The following RIMS1 variants were observed in gnomAD, a reference collection of about 807,000 sequenced individuals.
RIMS1 encodes regulating synaptic membrane exocytosis protein 1.
A neutral mutation model predicts 214.1 loss-of-function variants in RIMS1; 83 were observed. The ratio of observed to expected loss-of-function variants is 0.39; its 90% CI spans 0.32 to 0.47. The LOEUF is 0.47. Among genes scored for constraint, RIMS1 ranks in the 20% least tolerant of loss-of-function variants. The pLI is 0.99. For missense variants in RIMS1, 2,050 were observed against 2,161.8 expected, an observed-to-expected ratio of 0.95 and a Z score of 1.03; for synonymous variants, 793 against 786.8, an observed-to-expected ratio of 1.01 and a Z score of -0.13.
intron 29 of RIMS1, among the ~76,000 whole-genome samples, chr6:72,352,880 G>C (rs2097505504): frequency 6.6e-6 from 1 of 151,406 alleles, no homozygotes; most frequent in South Asian, 2.1e-4. Context: ...TATGAATTCT[G>C]TAACTGGAAA....
chr6:72,317,812 C>A (rs769696818), intron 28 of RIMS1, among the ~76,000 whole-genome samples: 3 of 152,042 alleles, frequency 2.0e-5, no homozygotes, highest in Non-Finnish European at 4.4e-5. Context: ...TTTGCCTATT[C>A]GATTTGGTAT....
chr6:72,047,482 G>C (rs948633355), intron 2 of RIMS1, among the ~76,000 whole-genome samples: 2 of 152,070 alleles, frequency 1.3e-5, no homozygotes, highest in African/African-American at 4.8e-5. Flanking sequence ...TTGTTAATCT[G>C]CCTGAACTAA....
chr6:72,196,055 A>T (rs1458232586), intron 6 of RIMS1, among the ~76,000 whole-genome samples: 1 of 152,112 alleles, frequency 6.6e-6, no homozygotes, highest in Non-Finnish European at 1.5e-5. Flanking sequence ...CATGTGGATC[A>T]TGGGGATTAC....
At chr6:71,935,909 G>A (rs1784292295) in intron 1 of RIMS1, among the ~76,000 whole-genome samples, 1 of 152,164 alleles carries the variant, frequency 6.6e-6, no homozygotes, top group South Asian at 2.1e-4. Context: ...ACAACTGAAA[G>A]TATGAACTAT....
At chr6:72,359,771 C>T (rs916624606) in intron 29 of RIMS1, among the ~76,000 whole-genome samples, 1 of 152,146 alleles carries the variant, frequency 6.6e-6, no homozygotes, top group Non-Finnish European at 1.5e-5. Context: ...TAACACAACA[C>T]ATAAATCACA....
At position 72,271,280 on chromosome 6, in the gene RIMS1, AAAAAAAATAT is replaced by A. The variant is rs1212345283; in HGVS notation, c.3399-3067_3399-3058del. 5.4e-3 allele frequency among the ~76,000 whole-genome samples: 323 copies of A among 60,348 alleles called. 1 individual carries two copies. The highest frequency in any genetic ancestry group is 0.017 in the African/African-American group (288 of 17,026). 39.6% of individuals were successfully genotyped at this position (60,348 alleles called of 152,430 possible). On this transcript the variant is annotated intron_variant, in intron 22 of 33. Transcript: ENST00000521978. ...GACTCCATCTCAAGGAAAAAAAAAA[AAAAAAAATAT>A]ATATATATATATATATATATATATA...
At chr6:72,283,045 G>A (rs1323506230) in intron 23 of RIMS1, among the ~76,000 whole-genome samples, 2 of 151,776 alleles carry the variant, frequency 1.3e-5, no homozygotes, top group Non-Finnish European at 2.9e-5. Flanking sequence ...GCAGAACTTG[G>A]TATATACTAG....
intron 4 of RIMS1, among the ~76,000 whole-genome samples, chr6:72,135,637 AAGG>A (rs1587845617): frequency 6.6e-6 from 1 of 152,286 alleles, no homozygotes; most frequent in East Asian, 1.9e-4. Flanking sequence ...CTGACGTGGA[AAGG>A]AGAAGAAAAG....
rs1236248137 is a variant in RIMS1 at position 72,402,370 on chromosome 6, A to G, written c.*1656A>G. The G allele has an allele frequency of 1.3e-5, 2 of 152,574 alleles. No homozygotes were observed. Among genetic ancestry groups the G allele is most frequent in the Non-Finnish European group, 2.9e-5 (2 of 68,014 alleles). The allele number at this position is 152,574 out of a possible 1,614,324, so 9.5% of individuals were successfully genotyped here. On this transcript the variant is annotated 3_prime_UTR_variant, in exon 34 of 34. Coordinates refer to ENST00000521978, the MANE Select transcript of RIMS1 (RefSeq NM_014989.7). ...TCTCTGGGTCTGTGGTGAAATGTCTATAGATGGACTTTATTTTTTACCCTC... is the reference window on the plus strand; with the variant it reads ...TCTCTGGGTCTGTGGTGAAATGTCTGTAGATGGACTTTATTTTTTACCCTC...
rs951615367 is a variant in RIMS1 at position 72,184,110 on chromosome 6, C to G, written c.1678+961C>G. ...CTTATCATCTCCCTTTGAGCAGTTT[C>G]TTTCTCCAGTAAATTGCGTGGTATC... On this transcript the variant is annotated intron_variant, in intron 6 of 33. Transcript: ENST00000521978. Among the ~76,000 whole-genome samples, 62 of 152,168 alleles carry G rather than the reference C, an allele frequency of 4.1e-4. 2 individuals carry two copies. The highest frequency in any genetic ancestry group is 3.8e-3 in the Admixed American group (58 of 15,274).
intron 2 of RIMS1, among the ~76,000 whole-genome samples, chr6:72,005,596 TA>T (rs1268693574): frequency 6.6e-6 from 1 of 152,216 alleles, no homozygotes; most frequent in Non-Finnish European, 1.5e-5. Flanking sequence ...ATAAATAGAC[TA>T]AAACCATAAT....
chr6:72,240,924 G>T (rs530264041), intron 9 of RIMS1, among the ~76,000 whole-genome samples: 22 of 152,098 alleles, frequency 1.4e-4, no homozygotes, highest in Non-Finnish European at 3.1e-4. Flanking sequence ...GCTGAGGCAG[G>T]AGGATCGCTT....
At chr6:71,981,603 A>C (rs1798495750) in intron 2 of RIMS1, among the ~76,000 whole-genome samples, 1 of 152,154 alleles carries the variant, frequency 6.6e-6, no homozygotes, top group Admixed American at 6.6e-5. Context: ...GAATGTACAA[A>C]ATTGCCATTG....
At chr6:72,276,144 G>C (rs551009610) in intron 23 of RIMS1, among the ~76,000 whole-genome samples, 1 of 152,194 alleles carries the variant, frequency 6.6e-6, no homozygotes, top group East Asian at 1.9e-4. Context: ...GAGCCCAGGA[G>C]GTCAAGGTTG....
intron 28 of RIMS1, chr6:72,317,311 G>A: frequency 3.7e-6 from 1 of 268,044 alleles, no homozygotes; most frequent in Non-Finnish European, 7.3e-6. Context: ...GCACAGGGCT[G>A]TGTTCTGCCA....
intron 6 of RIMS1, among the ~76,000 whole-genome samples, chr6:72,204,785 CTTTT>C (rs1393511805): frequency 1.3e-5 from 2 of 151,878 alleles, no homozygotes; most frequent in Non-Finnish European, 2.9e-5. Context: ...TTGAATGTTT[CTTTT>C]TTAATTTATA....
chr6:72,107,583 A>AT (rs2035023554), intron 4 of RIMS1, among the ~76,000 whole-genome samples: 1 of 152,138 alleles, frequency 6.6e-6, no homozygotes, highest in Non-Finnish European at 1.5e-5. Context: ...AAAGAAAGAA[A>AT]GAAATGAAAT....
In RIMS1 at chr6:72,182,730, C is replaced by T. The variant is rs1318051819; in HGVS notation, c.1259C>T (p.Ser420Leu). Residue 420 changes from serine (S) to leucine (L), a missense_variant, in exon 6 of 34, where the codon TCG (serine) becomes TTG (leucine). This residue lies in a region of RIMS1 where 882 missense variants were observed against 828.9 expected (regional missense o/e 1.06). Coordinates refer to ENST00000521978, the MANE Select transcript of RIMS1 (RefSeq NM_014989.7). ...CGCGCGCCGGCGGCAGCCAGGGCCT[C>T]GCCGCCGGACTCGCCGCGGGCTTAC... ...GKRAPAAARA[S>L]PPDSPRAYSA... The T allele has an allele frequency of 6.5e-6, 10 of 1,534,216 alleles. No homozygotes were observed. The highest frequency in any genetic ancestry group is 8.7e-6 in the Non-Finnish European group (10 of 1,143,664).
intron 2 of RIMS1, among the ~76,000 whole-genome samples, chr6:71,976,513 G>T (rs1455431628): frequency 6.6e-6 from 1 of 152,072 alleles, no homozygotes; most frequent in Non-Finnish European, 1.5e-5. Flanking sequence ...TCACAGAAAT[G>T]ATTTGCAATA....
Sources: allele counts gnomAD v4.1 joint callset (sites outside exome capture counted in the v4.1 genomes callset), GRCh38; gene constraint gnomAD v4.1.1; regional missense constraint gnomAD v4.1.1; transcripts MANE v1.5; gene names NCBI Gene and HGNC (gene_info 2026-07-23, HGNC 2026-07-21).